LRMDA: variants seen among roughly 807,000 people sequenced by gnomAD.
LRMDA encodes the protein leucine-rich melanocyte differentiation-associated protein.
LRMDA carries 18 observed loss-of-function variants against 29.8 expected under a neutral mutation model. The ratio of observed to expected loss-of-function variants is 0.60; its 90% CI spans 0.42 to 0.90. The LOEUF is 0.90. LRMDA is among the 40% of genes least tolerant of loss of function. The pLI, the probability that LRMDA is intolerant of heterozygous loss-of-function variation, is 0.00. For synonymous variants in LRMDA, 125 were observed against 109.4 expected (o/e 1.14, Z -0.89); for missense variants, 273 against 273.9 (o/e 1.00, Z 0.02).
At chr10:76,453,609 C>T (rs1460340906) in intron 6 of LRMDA, among the ~76,000 whole-genome samples, 1 of 152,130 alleles carries the variant, frequency 6.6e-6, no homozygotes, top group South Asian at 2.1e-4. Flanking sequence ...GATGGATAAA[C>T]CGGTAACCAC....
intron 2 of LRMDA, among the ~76,000 whole-genome samples, chr10:75,779,061 G>A (rs758603818): frequency 1.2e-4 from 18 of 152,148 alleles, no homozygotes; most frequent in Non-Finnish European, 2.4e-4. Flanking sequence ...TGTAAAGGTA[G>A]GAGAGCTAGG....
intron 2 of LRMDA, among the ~76,000 whole-genome samples, chr10:76,026,831 T>A (rs1848071324): frequency 6.6e-6 from 1 of 152,226 alleles, no homozygotes; most frequent in South Asian, 2.1e-4. Flanking sequence ...AGCCATCGAA[T>A]CTGATCTCTA....
At chr10:76,313,700 T>C (rs1475113765) in intron 5 of LRMDA, among the ~76,000 whole-genome samples, 1 of 152,224 alleles carries the variant, frequency 6.6e-6, no homozygotes, top group Non-Finnish European at 1.5e-5. Context: ...TGTATACACA[T>C]GCATATATAA....
intron 6 of LRMDA, among the ~76,000 whole-genome samples, chr10:76,424,444 C>A (rs1373105184): frequency 1.3e-5 from 2 of 152,128 alleles, no homozygotes; most frequent in Non-Finnish European, 2.9e-5. Context: ...GAGGCTGAGG[C>A]AGGAGAATTG....
chr10:76,241,948 G>A lies in LRMDA; in HGVS notation c.517-82453G>A, dbSNP rs114950083. On this transcript the variant is annotated intron_variant, in intron 5 of 6. Transcript: ENST00000611255. ...TTATGCTAATGCCTATAAAATACTT[G>A]GCATAGTTTTGGCTGTATAACAGTG... 638 of 152,228 alleles carry A rather than the reference G, an allele frequency of 4.2e-3. 3 individuals are homozygous for A. The highest frequency in any genetic ancestry group is 0.015 in the African/African-American group (605 of 41,538). 9.4% of individuals were successfully genotyped at this position (152,228 alleles called of 1,614,324 possible).
intron 5 of LRMDA, among the ~76,000 whole-genome samples, chr10:76,167,370 T>C (rs1423743754): frequency 6.6e-6 from 1 of 152,196 alleles, no homozygotes; most frequent in Non-Finnish European, 1.5e-5. Flanking sequence ...ATCTTTGTCA[T>C]GAAATCTTTG....
intron 2 of LRMDA, among the ~76,000 whole-genome samples, chr10:75,767,100 A>G (rs929800166): frequency 2.0e-5 from 3 of 152,200 alleles, no homozygotes; most frequent in African/African-American, 7.2e-5. Context: ...GCTGCAATAA[A>G]CATATGTGTG....
intron 6 of LRMDA, among the ~76,000 whole-genome samples, chr10:76,375,640 T>G (rs985296991): frequency 6.6e-5 from 10 of 152,092 alleles, no homozygotes; most frequent in Admixed American, 5.9e-4. Flanking sequence ...TGGATGAACA[T>G]TTTTGGAGAG....
intron 6 of LRMDA, among the ~76,000 whole-genome samples, chr10:76,466,382 GC>G (rs935661372): frequency 6.6e-6 from 1 of 152,054 alleles, no homozygotes; most frequent in African/African-American, 2.4e-5. Flanking sequence ...TTGCTTTTGT[GC>G]CCCTCGTAGG....
chr10:75,940,013 A>G (rs1014864099), intron 2 of LRMDA, among the ~76,000 whole-genome samples: 1 of 152,174 alleles, frequency 6.6e-6, no homozygotes, highest in African/African-American at 2.4e-5. Flanking sequence ...GAAGAGAACT[A>G]TGCACCTTCT....
intron 6 of LRMDA, among the ~76,000 whole-genome samples, chr10:76,510,259 C>T (rs1407381402): frequency 1.3e-5 from 2 of 152,064 alleles, no homozygotes; most frequent in East Asian, 1.9e-4. Flanking sequence ...TTAGTAGAAA[C>T]GGGGTTTCAC....
At chr10:75,992,597 C>A (rs1847390913) in intron 2 of LRMDA, among the ~76,000 whole-genome samples, 1 of 152,164 alleles carries the variant, frequency 6.6e-6, no homozygotes, top group Admixed American at 6.5e-5. Flanking sequence ...CGTTTCCTGA[C>A]TTCAGAAGAA....
rs549752302 is a variant in LRMDA, at chr10:76,151,431, A to T, written c.516+92648A>T. Reference sequence around the variant, plus strand: ...TTTCCCCTCCAAGGCATCTGTCGCTATTTGAAATAATCGTATTTGTTTGTA... The same window carrying T: ...TTTCCCCTCCAAGGCATCTGTCGCTTTTTGAAATAATCGTATTTGTTTGTA... On this transcript the variant is annotated intron_variant, in intron 5 of 6. Transcript: ENST00000611255. Among the ~76,000 whole-genome samples the T allele has an allele frequency of 2.6e-5, 4 of 152,116 alleles. No individual in the cohort carries two copies. The East Asian group carries it at 7.7e-4, about 29-fold the overall frequency.
intron 6 of LRMDA, among the ~76,000 whole-genome samples, chr10:76,510,191 C>G (rs1478895648): frequency 1.3e-5 from 2 of 152,140 alleles, no homozygotes; most frequent in Non-Finnish European, 2.9e-5. Flanking sequence ...CTGCCTCAAC[C>G]TCCTGAGTAG....
At chr10:75,780,844 A>G (rs185074959) in intron 2 of LRMDA, among the ~76,000 whole-genome samples, 35 of 152,256 alleles carry the variant, frequency 2.3e-4, no homozygotes, top group African/African-American at 8.2e-4. Context: ...GGTACCCAGC[A>G]AGTGTTGTTG....
intron 5 of LRMDA, among the ~76,000 whole-genome samples, chr10:76,303,214 T>A (rs1269843463): frequency 5.3e-5 from 8 of 149,564 alleles, no homozygotes; most frequent in East Asian, 1.9e-4. Flanking sequence ...CTCCTCCCTT[T>A]TTTTTTTTTT....
At chr10:76,540,450 C>T (rs1417727578) in intron 6 of LRMDA, among the ~76,000 whole-genome samples, 1 of 152,200 alleles carries the variant, frequency 6.6e-6, no homozygotes, top group Admixed American at 6.5e-5. Flanking sequence ...ATAACATTTA[C>T]ATCTGTGTAT....
At chr10:75,453,749 C>G (rs1844485038) in intron 2 of LRMDA, among the ~76,000 whole-genome samples, 1 of 152,270 alleles carries the variant, frequency 6.6e-6, no homozygotes, top group Admixed American at 6.5e-5. Flanking sequence ...CTTTTGCTGA[C>G]TTCTGAGGAG....
chr10:76,152,142 G>C (rs1850457329), intron 5 of LRMDA, among the ~76,000 whole-genome samples: 1 of 152,168 alleles, frequency 6.6e-6, no homozygotes, highest in African/African-American at 2.4e-5. Flanking sequence ...TCATTCCAAA[G>C]AGACACCCCT....
Sources: allele counts gnomAD v4.1 joint callset (sites outside exome capture counted in the v4.1 genomes callset), GRCh38; gene constraint gnomAD v4.1.1; transcripts MANE v1.5; gene names NCBI Gene and HGNC (gene_info 2026-07-23, HGNC 2026-07-21).